The following KCNN2 variants were observed in gnomAD, a reference collection of about 807,000 sequenced individuals.
KCNN2 encodes small conductance calcium-activated potassium channel protein 2.
In KCNN2, 24 loss-of-function variants were observed where a neutral mutation model predicts 55.5. That is an observed-to-expected ratio of 0.43 (90% confidence interval 0.31 to 0.61). The LOEUF (loss-of-function observed/expected upper bound fraction) is 0.61, where lower values mean the gene tolerates loss of function less well. Ranked by LOEUF, KCNN2 falls within the 20% of genes least tolerant of loss-of-function variation. The probability of loss-of-function intolerance (pLI) is 0.08; values close to 1 mark genes in which losing one functional copy is unlikely to be tolerated. For missense variants in KCNN2, 754 were observed against 853.6 expected, an observed-to-expected ratio of 0.88 and a Z score of 1.45; for synonymous variants, 431 against 336.1, an observed-to-expected ratio of 1.28 and a Z score of -3.09.
At chr5:114,145,048 C>T (rs1031074041) in intron 1 of KCNN2, among the ~76,000 whole-genome samples, 6 of 152,168 alleles carry the variant, frequency 3.9e-5, no homozygotes, top group African/African-American at 7.2e-5. Context: ...CCAGTCATAG[C>T]TATGGTTAAT....
At chr5:114,138,603 C>T (rs1446048632) in intron 1 of KCNN2, among the ~76,000 whole-genome samples, 2 of 152,112 alleles carry the variant, frequency 1.3e-5, no homozygotes, top group Non-Finnish European at 2.9e-5. Flanking sequence ...CTTGAATATC[C>T]AATAACACTG....
At chr5:114,117,491 C>G (rs1751728946) in intron 1 of KCNN2, among the ~76,000 whole-genome samples, 1 of 152,160 alleles carries the variant, frequency 6.6e-6, no homozygotes, top group Non-Finnish European at 1.5e-5. Flanking sequence ...GTTTCTTCAG[C>G]AACGGCAAAA....
chr5:114,105,042 C>T (rs963659496), intron 1 of KCNN2, among the ~76,000 whole-genome samples: 1 of 152,024 alleles, frequency 6.6e-6, no homozygotes, highest in Admixed American at 6.6e-5. Context: ...TAAATTGCAA[C>T]AGGTTCATTC....
At chr5:114,137,256 T>C (rs1752192237) in intron 1 of KCNN2, among the ~76,000 whole-genome samples, 1 of 152,160 alleles carries the variant, frequency 6.6e-6, no homozygotes, top group Non-Finnish European at 1.5e-5. Context: ...TGCAGTACAC[T>C]CTATTTTAAA....
At chr5:114,098,096 G>T (rs2632115) in intron 1 of KCNN2, among the ~76,000 whole-genome samples, 63,296 of 151,770 alleles carry the variant, frequency 0.42, 13,622 homozygotes, top group African/African-American at 0.51. Flanking sequence ...TGCTCCTTCC[G>T]TAGCTCATCA....
chr5:114,323,649 A>ATTATCTTTTTTTTTTTTTTT (rs1756656016), intron 2 of KCNN2, among the ~76,000 whole-genome samples: 1 of 85,318 alleles, frequency 1.2e-5, no homozygotes, highest in African/African-American at 4.0e-5. Context: ...AAACATATCA[A>ATTATCTTTTTTTTTTTTTTT]TTTTTTTTTT....
chr5:114,292,539 C>G (rs894356941), intron 2 of KCNN2, among the ~76,000 whole-genome samples: 13 of 152,124 alleles, frequency 8.5e-5, no homozygotes, highest in Non-Finnish European at 1.9e-4. Context: ...CTGTTCTGTT[C>G]CATTGGTCTA....
chr5:114,107,358 T>C (rs867326601), intron 1 of KCNN2, among the ~76,000 whole-genome samples: 1 of 152,020 alleles, frequency 6.6e-6, no homozygotes, highest in African/African-American at 2.4e-5. Flanking sequence ...CTTAAGATTG[T>C]ATTTCCTAGT....
intron 3 of KCNN2, among the ~76,000 whole-genome samples, chr5:114,458,607 G>A (rs1442010851): frequency 6.6e-6 from 1 of 152,176 alleles, no homozygotes; most frequent in Non-Finnish European, 1.5e-5. Context: ...ATAAGGCATA[G>A]TCGTTATCTT....
At chr5:114,097,162 T>C (rs1751274406) in intron 1 of KCNN2, among the ~76,000 whole-genome samples, 1 of 152,234 alleles carries the variant, frequency 6.6e-6, no homozygotes, top group Admixed American at 6.5e-5. Context: ...TCGGGAAATA[T>C]GCTTTTTATG....
At chr5:114,420,343 C>T (rs1190741694) in intron 3 of KCNN2, among the ~76,000 whole-genome samples, 1 of 152,198 alleles carries the variant, frequency 6.6e-6, no homozygotes, top group Non-Finnish European at 1.5e-5. Flanking sequence ...ATTCCTAGGG[C>T]AGTTATAAGG....
intron 2 of KCNN2, among the ~76,000 whole-genome samples, chr5:114,326,573 T>C (rs963830876): frequency 2.6e-5 from 4 of 152,172 alleles, no homozygotes; most frequent in Non-Finnish European, 2.9e-5. Flanking sequence ...GCACAATTCC[T>C]CTGAAAGCCC....
intron 1 of KCNN2, among the ~76,000 whole-genome samples, chr5:114,124,209 A>G (rs571816525): frequency 6.6e-6 from 1 of 152,364 alleles, no homozygotes; most frequent in East Asian, 1.9e-4. Context: ...TAACTTCAAA[A>G]AGGTTTTGGA....
chr5:114,064,719 A>T (rs1307612305), intron 1 of KCNN2, among the ~76,000 whole-genome samples: 1 of 152,220 alleles, frequency 6.6e-6, no homozygotes, highest in Non-Finnish European at 1.5e-5. Flanking sequence ...CTGGGGTAAT[A>T]TAAAGGGGGC....
chr5:114,243,133 A>C lies in KCNN2; in HGVS notation c.-185+21568A>C, dbSNP rs371387665. 9.3e-4 allele frequency among the ~76,000 whole-genome samples: 141 copies of C among 152,308 alleles called. 3 individuals carry two copies. In the South Asian group the frequency reaches 0.029, roughly 31 times the overall value. On this transcript the variant is annotated intron_variant, in intron 2 of 10. Coordinates refer to the KCNN2 transcript ENST00000512097. ...CATAGTATATTTTATACTGCATAAAAAGCCCTCTAAATCTAAGTTATTTAG... is the reference window on the plus strand; with the variant it reads ...CATAGTATATTTTATACTGCATAAACAGCCCTCTAAATCTAAGTTATTTAG...
At chr5:114,414,965 T>C (rs2150077028) in intron 3 of KCNN2, among the ~76,000 whole-genome samples, 1 of 152,308 alleles carries the variant, frequency 6.6e-6, no homozygotes, top group South Asian at 2.1e-4. Context: ...TCCGTGCCCA[T>C]TTGCAATAAA....
At chr5:114,483,943 G>A (rs936521174) in intron 5 of KCNN2, among the ~76,000 whole-genome samples, 11 of 152,216 alleles carry the variant, frequency 7.2e-5, no homozygotes, top group African/African-American at 2.6e-4. Flanking sequence ...GATTCAGTAC[G>A]TAGGTTGAAT....
At chr5:114,076,157 C>G (rs1750681393) in intron 1 of KCNN2, among the ~76,000 whole-genome samples, 1 of 152,224 alleles carries the variant, frequency 6.6e-6, no homozygotes, top group Non-Finnish European at 1.5e-5. Context: ...ATTGTGGATA[C>G]TCTCTGAGGT....
chr5:114,109,176 T>A (rs1358093128), intron 1 of KCNN2, among the ~76,000 whole-genome samples: 1 of 152,054 alleles, frequency 6.6e-6, no homozygotes, highest in Non-Finnish European at 1.5e-5. Flanking sequence ...CAGGTCCTCA[T>A]GGATTGTTGG....
Sources: allele counts gnomAD v4.1 joint callset (sites outside exome capture counted in the v4.1 genomes callset), GRCh38; gene constraint gnomAD v4.1.1; transcripts MANE v1.5; gene names NCBI Gene and HGNC (gene_info 2026-07-23, HGNC 2026-07-21).